The following CDH4 variants were observed in gnomAD, a reference collection of about 807,000 sequenced individuals.
CDH4 encodes the protein cadherin-4.
A neutral mutation model predicts 86.0 loss-of-function variants in CDH4; 33 were observed. The ratio of observed to expected loss-of-function variants is 0.38; its 90% CI spans 0.29 to 0.51. The LOEUF (loss-of-function observed/expected upper bound fraction) is 0.51, where lower values mean the gene tolerates loss of function less well. Ranked by LOEUF, CDH4 falls within the 20% of genes least tolerant of loss-of-function variation. CDH4 has a pLI of 0.86. For missense variants in CDH4, 1,114 were observed against 1,307.4 expected (o/e 0.85, Z 2.28); for synonymous variants, 555 against 549.4 (o/e 1.01, Z -0.14).
In CDH4 at chr20:61,414,228, A is replaced by G. The variant is rs551896848; in HGVS notation, c.169+159291A>G. Among the ~76,000 whole-genome samples, 5 of 152,362 alleles carry G rather than the reference A, an allele frequency of 3.3e-5. No individual in the cohort carries two copies. In the South Asian group the frequency reaches 6.2e-4, roughly 19 times the overall value. ...TGCAGGTTAGCCGGCTTGATGTCCCATGTAACGTGGGTTTCCCAGCGTGAA... is the reference window on the plus strand; with the variant it reads ...TGCAGGTTAGCCGGCTTGATGTCCCGTGTAACGTGGGTTTCCCAGCGTGAA... On this transcript the variant is annotated intron_variant, in intron 2 of 15. Coordinates refer to ENST00000614565, the MANE Select transcript of CDH4 (RefSeq NM_001794.5).
intron 1 of CDH4, among the ~76,000 whole-genome samples, chr20:61,253,076 G>A (rs1009764491): frequency 6.6e-6 from 1 of 151,610 alleles, no homozygotes; most frequent in African/African-American, 2.4e-5. Flanking sequence ...AGGCCTGGGG[G>A]TCCGTCTAGC....
intron 2 of CDH4, among the ~76,000 whole-genome samples, chr20:61,539,116 C>G (rs62199203): frequency 0.051 from 7,721 of 152,242 alleles, 219 homozygotes; most frequent in East Asian, 0.08. Context: ...ACTCCACACG[C>G]TCTGCTGCTG....
intron 2 of CDH4, among the ~76,000 whole-genome samples, chr20:61,696,955 G>C (rs907768571): frequency 5.9e-5 from 9 of 152,160 alleles, no homozygotes; most frequent in African/African-American, 1.9e-4. Flanking sequence ...GAAGACAGAG[G>C]CCGAGACTGG....
At chr20:61,547,855 A>G (rs1449480923) in intron 2 of CDH4, among the ~76,000 whole-genome samples, 2 of 152,226 alleles carry the variant, frequency 1.3e-5, no homozygotes, top group African/African-American at 4.8e-5. Context: ...GTAAAGCGGC[A>G]CCGCGTGGGG....
chr20:61,688,705 A>G (rs2087617708), intron 2 of CDH4, among the ~76,000 whole-genome samples: 1 of 152,268 alleles, frequency 6.6e-6, no homozygotes, highest in African/African-American at 2.4e-5. Context: ...AGCTTCCGCC[A>G]GTGCCCCCAA....
At chr20:61,618,307 C>T (rs981560036) in intron 2 of CDH4, among the ~76,000 whole-genome samples, 1 of 152,100 alleles carries the variant, frequency 6.6e-6, no homozygotes, top group Non-Finnish European at 1.5e-5. Flanking sequence ...TCTGGCCTCC[C>T]ATCCCATCCT....
chr20:61,930,142 A>G (rs1381619635), intron 13 of CDH4, among the ~76,000 whole-genome samples: 1 of 152,180 alleles, frequency 6.6e-6, no homozygotes, highest in Non-Finnish European at 1.5e-5. Flanking sequence ...GTTGCCCTCC[A>G]GGACCTGTGA....
At chr20:61,785,647 G>C (rs563701573) in intron 4 of CDH4, among the ~76,000 whole-genome samples, 1 of 151,984 alleles carries the variant, frequency 6.6e-6, no homozygotes, top group Non-Finnish European at 1.5e-5. Context: ...CCCCCACCCA[G>C]GTGTGTAGAG....
At chr20:61,898,345 G>A (rs1447635271) in intron 8 of CDH4, among the ~76,000 whole-genome samples, 1 of 152,250 alleles carries the variant, frequency 6.6e-6, no homozygotes, top group East Asian at 1.9e-4. Context: ...CACTGGCTCT[G>A]AGCGCGGCTG....
intron 2 of CDH4, among the ~76,000 whole-genome samples, chr20:61,648,571 C>T (rs369974997): frequency 4.6e-5 from 7 of 152,198 alleles, no homozygotes; most frequent in Non-Finnish European, 8.8e-5. Context: ...AGCTTGCTCT[C>T]GCCCATCCTT....
intron 2 of CDH4, among the ~76,000 whole-genome samples, chr20:61,535,480 C>A (rs1357042198): frequency 6.6e-6 from 1 of 152,236 alleles, no homozygotes; most frequent in Non-Finnish European, 1.5e-5. Context: ...TAATGTCAAG[C>A]TTGGGGAAAA....
chr20:61,618,037 G>A lies in CDH4; in HGVS notation c.170-125526G>A, dbSNP rs543773123. ...AGATGTGCCTTTCACCTTCTGCCAC[G>A]ATTGCGAGGCCTCCCCAGCCATGTG... On this transcript the variant is annotated intron_variant, in intron 2 of 15. Coordinates refer to ENST00000614565, the MANE Select transcript of CDH4 (RefSeq NM_001794.5). Among the ~76,000 whole-genome samples the A allele has an allele frequency of 5.9e-5, 9 of 152,230 alleles. No homozygotes were observed. The South Asian group carries it at 6.2e-4, about 11-fold the overall frequency.
intron 2 of CDH4, among the ~76,000 whole-genome samples, chr20:61,711,024 C>G (rs961203842): frequency 5.3e-5 from 8 of 152,204 alleles, no homozygotes; most frequent in African/African-American, 1.9e-4. Flanking sequence ...AAAATCTCAT[C>G]TTGAATTATA....
chr20:61,538,519 C>T (rs547383397), intron 2 of CDH4, among the ~76,000 whole-genome samples: 14 of 152,312 alleles, frequency 9.2e-5, no homozygotes, highest in South Asian at 2.1e-4. Context: ...TGTGTACTTT[C>T]GCCTGGCCTT....
rs1175180838 is a variant in CDH4 at position 61,544,578 on chromosome 20, G to T, written c.170-198985G>T. ...ACGGTGACGGGATCCCTGCGTTGAC[G>T]GTGGCATGACCGTGTGTGATGGGAT... On this transcript the variant is annotated intron_variant, in intron 2 of 15. Transcript: ENST00000614565. This position sits in a 1 kb window ranked among gnomAD's most constrained non-coding sequence, Gnocchi z 6.5. Among the ~76,000 whole-genome samples, 1 of 151,802 alleles carries T rather than the reference G, an allele frequency of 6.6e-6. No homozygotes were observed. Among genetic ancestry groups the T allele is most frequent in the Non-Finnish European group, 1.5e-5 (1 of 67,976 alleles).
At chr20:61,540,703 T>C (rs973339999) in intron 2 of CDH4, among the ~76,000 whole-genome samples, 1 of 152,172 alleles carries the variant, frequency 6.6e-6, no homozygotes, top group African/African-American at 2.4e-5. Context: ...TTCTAAGATC[T>C]GACTTTAGGA....
At chr20:61,756,629 T>G (rs938678791) in intron 3 of CDH4, among the ~76,000 whole-genome samples, 1 of 149,722 alleles carries the variant, frequency 6.7e-6, no homozygotes, top group African/African-American at 2.5e-5. Context: ...ATGAATCACT[T>G]CTTGCCCTTC....
intron 2 of CDH4, among the ~76,000 whole-genome samples, chr20:61,705,888 C>A (rs2087824064): frequency 6.6e-6 from 1 of 152,232 alleles, no homozygotes; most frequent in African/African-American, 2.4e-5. Flanking sequence ...AAATCAAATA[C>A]CCCAGTTGTG....
chr20:61,462,975 C>G (rs76596566), intron 2 of CDH4, among the ~76,000 whole-genome samples: 4,554 of 152,188 alleles, frequency 0.03, 245 homozygotes, highest in African/African-American at 0.1. Context: ...TAATAATTCC[C>G]CATGTGTCAA....
Sources: gnomAD v4.1 joint callset for allele counts (sites outside exome capture counted in the v4.1 genomes callset) on GRCh38, gnomAD v4.1.1 for gene constraint, Gnocchi (gnomAD v3.1) non-coding constraint, MANE v1.5 for transcripts, NCBI Gene and HGNC (gene_info 2026-07-23, HGNC 2026-07-21) for gene names.